The following PAPSS2 variants were observed in gnomAD, a reference collection of about 807,000 sequenced individuals.
PAPSS2 encodes bifunctional 3'-phosphoadenosine 5'-phosphosulfate synthase 2.
In PAPSS2, 61 loss-of-function variants were observed where a neutral mutation model predicts 66.5. That is an observed-to-expected ratio of 0.92 (90% CI 0.75 to 1.14). The LOEUF (loss-of-function observed/expected upper bound fraction) is 1.14. Ranked by LOEUF, PAPSS2 falls within the 50% of genes most tolerant of loss-of-function variation. PAPSS2 has a pLI of 0.00. For missense variants in PAPSS2, 708 were observed against 789.6 expected (o/e 0.90, Z 1.24); for synonymous variants, 289 against 287.5 (o/e 1.01, Z -0.05).
At chr10:87,709,346 CA>C in intron 2 of PAPSS2, 33 bp downstream of exon 2, 1 of 1,046,008 alleles carries the variant, frequency 9.6e-7, no homozygotes, top group South Asian at 1.3e-5. Context: ...TATATATATA[CA>C]AATTGCAAAC....
In PAPSS2 at chr10:87,746,132, C is replaced by T; in HGVS notation, c.*162C>T. On this transcript the variant is annotated 3_prime_UTR_variant, in exon 13 of 13. Transcript: ENST00000456849. ...TTAAAAAAAAATATATATATATACA[C>T]ACACACATATACATACAAAGTCAAA... is the stretch of plus-strand genomic sequence containing the variant. 3.5e-6 allele frequency: 2 copies of T among 565,094 alleles called. No homozygotes were observed. The highest frequency in any genetic ancestry group is 3.4e-5 in the East Asian group (1 of 29,198). The allele number at this position is 565,094 out of a possible 1,614,324, so 35.0% of individuals were successfully genotyped here.
rs907390059 is a variant in PAPSS2 at position 87,735,376 on chromosome 10, C to T, written c.1087-5859C>T. ...TTTTAGGCTGGATGGTGGATGAATT[C>T]GGTTTGATGCCCCCTTCACCAATAG... On this transcript the variant is annotated intron_variant, in intron 9 of 12. Transcript: ENST00000456849. Among the ~76,000 whole-genome samples the T allele has an allele frequency of 4.6e-5, 7 of 152,122 alleles. No homozygotes were observed. The South Asian group carries it at 8.3e-4, about 18-fold the overall frequency.
chr10:87,682,517 A>G lies in PAPSS2; in HGVS notation c.27+22509A>G, dbSNP rs1048419149. Among the ~76,000 whole-genome samples, 37 of 152,260 alleles carry G rather than the reference A, an allele frequency of 2.4e-4. 1 individual carries two copies. The highest frequency in any genetic ancestry group is 1.4e-4 in the African/African-American group (6 of 41,476). On this transcript the variant is annotated intron_variant, in intron 1 of 12. Coordinates refer to ENST00000456849, the MANE Select transcript of PAPSS2 (RefSeq NM_001015880.2). ...TTGAATTGGAGTGTTCATTAAGTCCATAAAATGGAAAGCACATGTAGGATA... is the reference window on the plus strand; with the variant it reads ...TTGAATTGGAGTGTTCATTAAGTCCGTAAAATGGAAAGCACATGTAGGATA...
At chr10:87,734,688 T>C (rs1259033738) in intron 9 of PAPSS2, among the ~76,000 whole-genome samples, 13 of 127,330 alleles carry the variant, frequency 1.0e-4, no homozygotes, top group African/African-American at 3.0e-4. Context: ...TATATATATA[T>C]ATATATATAT....
intron 1 of PAPSS2, among the ~76,000 whole-genome samples, chr10:87,703,354 A>G (rs1853342667): frequency 6.6e-6 from 1 of 151,138 alleles, no homozygotes; most frequent in Admixed American, 6.6e-5. Flanking sequence ...TGATTCGATC[A>G]TGAGTGCCAC....
chr10:87,689,677 A>AAG (rs1475901516), intron 1 of PAPSS2, among the ~76,000 whole-genome samples: 1 of 149,536 alleles, frequency 6.7e-6, no homozygotes, highest in Non-Finnish European at 1.5e-5. Flanking sequence ...CAAAAAAAAA[A>AAG]AAAAAGAAAA....
intron 11 of PAPSS2, 58 bp from the exon 12 acceptor site, chr10:87,744,944 C>A: frequency 6.9e-7 from 1 of 1,448,762 alleles, no homozygotes; most frequent in Non-Finnish European, 9.7e-7. Flanking sequence ...TCTCCATAAA[C>A]CATGACCTAC....
intron 9 of PAPSS2, among the ~76,000 whole-genome samples, chr10:87,730,037 C>T (rs559178032): frequency 6.6e-6 from 1 of 152,224 alleles, no homozygotes; most frequent in African/African-American, 2.4e-5. Flanking sequence ...CCTCCTGGGC[C>T]AGTTAGCCAA....
intron 1 of PAPSS2, among the ~76,000 whole-genome samples, chr10:87,668,917 A>G (rs1321984143): frequency 6.6e-6 from 1 of 152,040 alleles, no homozygotes; most frequent in Non-Finnish European, 1.5e-5. Flanking sequence ...GACCCTGCCT[A>G]TTTTCTACAG....
rs1853670921 is a variant in PAPSS2, at chr10:87,727,298, A to G, written c.895A>G (p.Met299Val). The G allele has an allele frequency of 6.2e-7, 1 of 1,613,310 alleles. No individual in the cohort carries two copies. The highest frequency in any genetic ancestry group is 1.3e-5 in the African/African-American group (1 of 74,930). Residue 299 changes from methionine to valine, a missense_variant, in exon 9 of 13, where the codon ATG becomes GTG. Physicochemically the swap from Met to Val is conservative, Grantham distance 21. Transcript: ENST00000456849. ...GMALPDGVIN[M>V]SIPIVLPVSA... ...TCTTTCCACAGATGGCGTGATCAAC[A>G]TGAGCATCCCCATTGTACTGCCCGT... is the stretch of plus-strand genomic sequence containing the variant.
intron 9 of PAPSS2, among the ~76,000 whole-genome samples, chr10:87,728,318 A>G (rs1853684539): frequency 6.6e-6 from 1 of 152,162 alleles, no homozygotes; most frequent in South Asian, 2.1e-4. Flanking sequence ...TGACTTCTCA[A>G]ATCTCCCAGC....
chr10:87,732,883 A>C (rs1853746949), intron 9 of PAPSS2, among the ~76,000 whole-genome samples: 1 of 152,192 alleles, frequency 6.6e-6, no homozygotes, highest in Non-Finnish European at 1.5e-5. Context: ...AAACATTCCC[A>C]GGGAGCTAAT....
At chr10:87,697,053 C>T (rs1853243298) in intron 1 of PAPSS2, among the ~76,000 whole-genome samples, 1 of 152,164 alleles carries the variant, frequency 6.6e-6, no homozygotes, top group Non-Finnish European at 1.5e-5. Flanking sequence ...AGGATCCTAT[C>T]CCATGTTACA....
intron 1 of PAPSS2, among the ~76,000 whole-genome samples, chr10:87,664,598 A>T (rs1006428713): frequency 1.3e-5 from 2 of 152,180 alleles, no homozygotes; most frequent in Admixed American, 6.5e-5. Flanking sequence ...TTTTCTGTTG[A>T]TGCATGTGGC....
At chr10:87,722,369 A>T (rs947340743) in intron 8 of PAPSS2, among the ~76,000 whole-genome samples, 2 of 152,208 alleles carry the variant, frequency 1.3e-5, no homozygotes, top group African/African-American at 4.8e-5. Context: ...TATGTCATCT[A>T]TCTTTGGTGT....
rs1331025341 is a variant in PAPSS2 at position 87,660,017 on chromosome 10, C to G, written c.27+9C>G. 18 of 1,611,710 alleles carry G rather than the reference C, an allele frequency of 1.1e-5. No homozygotes were observed. The highest frequency in any genetic ancestry group is 1.4e-5 in the Non-Finnish European group (17 of 1,179,074). On this transcript the variant is annotated intron_variant, in intron 1 of 12. Transcript: ENST00000456849. ...TCAAGAAGCAAAAGACGGTAGGCTT[C>G]CAGGCGCCGGCTTCCCTCCCCGCCA...
intron 1 of PAPSS2, among the ~76,000 whole-genome samples, chr10:87,665,690 C>T (rs773974499): frequency 5.3e-5 from 8 of 152,168 alleles, no homozygotes; most frequent in Middle Eastern, 3.2e-3. Flanking sequence ...TTCTGGTTCA[C>T]CCTTATTTTT....
At chr10:87,701,382 TTCTTTCTTTCTTTCTCTTTCTTTCTC>T (rs1853311580) in intron 1 of PAPSS2, among the ~76,000 whole-genome samples, 1 of 89,822 alleles carries the variant, frequency 1.1e-5, no homozygotes, top group Admixed American at 1.4e-4. Context: ...CTTTCTTTCT[TTCTTTCTTTCTTTCTCTTTCTTTCTC>T]TCTCTCTCTC....
chr10:87,732,678 C>A (rs1211139961), intron 9 of PAPSS2, among the ~76,000 whole-genome samples: 1 of 152,138 alleles, frequency 6.6e-6, no homozygotes, highest in Non-Finnish European at 1.5e-5. Context: ...CACTTTATTG[C>A]AGTAGTCTGG....
Sources: gnomAD v4.1 joint callset for allele counts (sites outside exome capture counted in the v4.1 genomes callset) on GRCh38, gnomAD v4.1.1 for gene constraint, MANE v1.5 for transcripts, NCBI Gene and HGNC (gene_info 2026-07-23, HGNC 2026-07-21) for gene names.